Variants in CYP27C1 observed in about 807,000 individuals in gnomAD.
CYP27C1 encodes cytochrome P450 27C1.
In CYP27C1, 29 loss-of-function variants were observed where a neutral mutation model predicts 40.6. The ratio of observed to expected loss-of-function variants is 0.71; its 90% CI spans 0.53 to 0.97. The LOEUF is 0.97. CYP27C1 is among the 50% of genes least tolerant of loss of function. CYP27C1 has a pLI of 0.00. For synonymous variants in CYP27C1, 198 were observed against 186.8 expected (o/e 1.06, Z -0.49); for missense variants, 390 against 485.8 (o/e 0.80, Z 1.85).
chr2:127,206,783 G>A (rs1158251556), intron 1 of CYP27C1, among the ~76,000 whole-genome samples: 1 of 152,160 alleles, frequency 6.6e-6, no homozygotes, highest in East Asian at 1.9e-4. Context: ...CAAGCCCTCT[G>A]TGGACAGTCT....
intron 8 of CYP27C1, among the ~76,000 whole-genome samples, chr2:127,189,895 G>T (rs1205362286): frequency 6.6e-6 from 1 of 152,160 alleles, no homozygotes; most frequent in African/African-American, 2.4e-5. Context: ...TTATTAATCA[G>T]TCAGGCCAGC....
intron 8 of CYP27C1, among the ~76,000 whole-genome samples, chr2:127,188,476 G>A (rs1345665813): frequency 3.3e-5 from 5 of 152,020 alleles, no homozygotes; most frequent in Non-Finnish European, 5.9e-5. Context: ...AACCTCCAAC[G>A]ATCCTCCCAC....
intron 2 of CYP27C1, among the ~76,000 whole-genome samples, chr2:127,204,440 A>AAAAGAAAGAAAGAAAGAAAGAAAG (rs59482629): frequency 1.8e-3 from 73 of 41,324 alleles, no homozygotes; most frequent in East Asian, 0.011. Context: ...GAAAGAAAGA[A>AAAAGAAAGAAAGAAAGAAAGAAAG]AAAGAAAGAA....
intron 3 of CYP27C1, among the ~76,000 whole-genome samples, chr2:127,202,860 G>T (rs1683068310): frequency 6.6e-6 from 1 of 152,072 alleles, no homozygotes; most frequent in Admixed American, 6.5e-5. Flanking sequence ...TGTGGCATTG[G>T]GCAAGTTCTT....
In CYP27C1 at chr2:127,192,508, C is replaced by T. The variant is rs1010764826; in HGVS notation, c.1497+586G>A. ...CATGTAAGGTGTTCTGTAACAACAC[C>T]CAGGGCTTCCTGATGTTTCACAACC... On this transcript the variant is annotated intron_variant, in intron 8 of 8. Transcript: ENST00000664447. Among the ~76,000 whole-genome samples the T allele has an allele frequency of 3.9e-5, 6 of 152,306 alleles. No individual in the cohort carries two copies. The East Asian group carries it at 1.2e-3, about 29-fold the overall frequency.
chr2:127,210,595 C>T (rs1436050305), intron 1 of CYP27C1, among the ~76,000 whole-genome samples: 2 of 151,610 alleles, frequency 1.3e-5, no homozygotes, highest in Admixed American at 1.3e-4. Context: ...GACCCATCAG[C>T]GTGCTGTATT....
At chr2:127,188,674 C>T (rs1682693560) in intron 8 of CYP27C1, among the ~76,000 whole-genome samples, 1 of 151,778 alleles carries the variant, frequency 6.6e-6, no homozygotes, top group African/African-American at 2.4e-5. Context: ...TTGATTCCAT[C>T]TCTCATTTCT....
In CYP27C1 at chr2:127,204,625, G is replaced by GAAAGAAAGAAAGAAAGAAAGAAAGA. The variant is rs112099461; in HGVS notation, c.474-1055_474-1054insTCTTTCTTTCTTTCTTTCTTTCTTT. On this transcript the variant is annotated intron_variant, in intron 2 of 8. Coordinates refer to ENST00000664447, the MANE Select transcript of CYP27C1 (RefSeq NM_001367502.1). Reference sequence around the variant, plus strand: ...AGAAAGAAAGAAAGAAAGAAAGAAAGAAGACTGCAGCTTGTTACCAGGGTG... The same window carrying GAAAGAAAGAAAGAAAGAAAGAAAGA: ...AGAAAGAAAGAAAGAAAGAAAGAAAGAAAGAAAGAAAGAAAGAAAGAAAGAAAGACTGCAGCTTGTTACCAGGGTG... Among the ~76,000 whole-genome samples the GAAAGAAAGAAAGAAAGAAAGAAAGA allele has an allele frequency of 4.6e-4, 43 of 94,264 alleles. 2 individuals are homozygous for GAAAGAAAGAAAGAAAGAAAGAAAGA. Among genetic ancestry groups the GAAAGAAAGAAAGAAAGAAAGAAAGA allele is most frequent in the African/African-American group, 1.3e-3 (32 of 24,138 alleles). The allele number at this position is 94,264 out of a possible 152,430, so 61.8% of individuals were successfully genotyped here.
chr2:127,210,163 A>G (rs1363039877), intron 1 of CYP27C1, among the ~76,000 whole-genome samples: 1 of 152,222 alleles, frequency 6.6e-6, no homozygotes. Context: ...CTAACAGTGG[A>G]TCTCTCAGCA....
chr2:127,185,888 A>C lies in CYP27C1; in HGVS notation c.*1383T>G, dbSNP rs1447496929. ...TGTTTCCTCTTAGCAACCGGTGAGCAGCAGGAAAGGCAACAGAACTCCTCA... is the reference window on the plus strand; with the variant it reads ...TGTTTCCTCTTAGCAACCGGTGAGCCGCAGGAAAGGCAACAGAACTCCTCA... On this transcript the variant is annotated 3_prime_UTR_variant, in exon 9 of 9. Coordinates refer to ENST00000664447, the MANE Select transcript of CYP27C1 (RefSeq NM_001367502.1). The surrounding 1 kb of genome is among the most constrained non-coding windows in gnomAD (Gnocchi z 4.9). 6.6e-6 allele frequency: 1 copy of C among 152,232 alleles called. No individual in the cohort carries two copies. Among genetic ancestry groups the C allele is most frequent in the Non-Finnish European group, 1.5e-5 (1 of 68,060 alleles). The allele number at this position is 152,232 out of a possible 1,614,324, so 9.4% of individuals were successfully genotyped here.
intron 5 of CYP27C1, among the ~76,000 whole-genome samples, chr2:127,198,880 A>T (rs1573896706): frequency 1.3e-5 from 2 of 152,232 alleles, no homozygotes; most frequent in Admixed American, 1.3e-4. Context: ...ACAAATCTGC[A>T]TCATTAAGTG....
chr2:127,216,490 A>T (rs1420508723), intron 1 of CYP27C1, among the ~76,000 whole-genome samples: 2 of 152,218 alleles, frequency 1.3e-5, no homozygotes, highest in African/African-American at 4.8e-5. Flanking sequence ...TGACATGTCC[A>T]GAATAGGCCA....
At chr2:127,190,724 T>A (rs1348832613) in intron 8 of CYP27C1, among the ~76,000 whole-genome samples, 1 of 144,138 alleles carries the variant, frequency 6.9e-6, no homozygotes, top group African/African-American at 2.6e-5. Context: ...AGGCGATGGA[T>A]CACTTGAGGT....
In CYP27C1 at chr2:127,208,228, C is replaced by T. The variant is rs1261176966; in HGVS notation, c.283-2138G>A. The stretch of plus-strand genomic sequence containing the variant: ...TTGACTAGAAGGCTGGCATAACCCA[C>T]GGAGAGAAGGAAGAACAGTGTAGTG... On this transcript the variant is annotated intron_variant, in intron 1 of 8. Transcript: ENST00000664447. This position sits in a 1 kb window ranked among gnomAD's most constrained non-coding sequence, Gnocchi z 5.2. 4.6e-5 allele frequency among the ~76,000 whole-genome samples: 7 copies of T among 152,144 alleles called. No homozygotes were observed. In the East Asian group the frequency reaches 5.8e-4, roughly 13 times the overall value.
intron 3 of CYP27C1, among the ~76,000 whole-genome samples, chr2:127,203,003 C>G (rs1683074385): frequency 1.3e-5 from 2 of 152,004 alleles, no homozygotes; most frequent in Admixed American, 6.6e-5. Context: ...ACTGTCTCTA[C>G]TAAAAATACA....
intron 1 of CYP27C1, among the ~76,000 whole-genome samples, chr2:127,210,519 C>T (rs900559325): frequency 2.0e-5 from 3 of 151,884 alleles, no homozygotes; most frequent in African/African-American, 7.3e-5. Context: ...CAATACTAAC[C>T]CTAAATGTAA....
chr2:127,204,984 C>A (rs1683192225), intron 2 of CYP27C1, among the ~76,000 whole-genome samples: 1 of 152,226 alleles, frequency 6.6e-6, no homozygotes, highest in Non-Finnish European at 1.5e-5. Context: ...GCTAAGCCAG[C>A]CCGGCGCCTG....
intron 8 of CYP27C1, among the ~76,000 whole-genome samples, chr2:127,188,480 C>G (rs1225062405): frequency 6.6e-6 from 1 of 152,110 alleles, no homozygotes; most frequent in South Asian, 2.1e-4. Flanking sequence ...TCCAACGATC[C>G]TCCCACCTCC....
rs538798081 is a variant in CYP27C1, at chr2:127,196,958, G to C, written c.1048-1457C>G. Among the ~76,000 whole-genome samples, 17 of 152,332 alleles carry C rather than the reference G, an allele frequency of 1.1e-4. No homozygotes were observed. The highest frequency in any genetic ancestry group is 4.1e-4 in the African/African-American group (17 of 41,568). On this transcript the variant is annotated intron_variant, in intron 5 of 8. Coordinates refer to ENST00000664447, the MANE Select transcript of CYP27C1 (RefSeq NM_001367502.1). This position sits in a 1 kb window ranked among gnomAD's most constrained non-coding sequence, Gnocchi z 4.5. ...TATCGCATTATGCAGTTTAAATGGA[G>C]TTGACTATGCATAAGTTATACCGCA... is the stretch of plus-strand genomic sequence containing the variant.
Sources: allele counts gnomAD v4.1 joint callset (sites outside exome capture counted in the v4.1 genomes callset), GRCh38; gene constraint gnomAD v4.1.1; non-coding constraint Gnocchi (gnomAD v3.1); transcripts MANE v1.5; gene names NCBI Gene and HGNC (gene_info 2026-07-23, HGNC 2026-07-21).